Variants in RAB2A observed in about 807,000 individuals in gnomAD.
RAB2A encodes the protein ras-related protein Rab-2A.
RAB2A carries 7 observed loss-of-function variants against 32.5 expected under a neutral mutation model. The ratio of observed to expected loss-of-function variants is 0.22; its 90% CI spans 0.12 to 0.40. RAB2A has a LOEUF of 0.40. RAB2A is among the 10% of genes least tolerant of loss of function. The pLI is 1.00. For synonymous variants in RAB2A, 79 were observed against 85.2 expected (o/e 0.93, Z 0.40); for missense variants, 108 against 260.7 (o/e 0.41, Z 4.03).
At chr8:60,615,706 C>A (rs1270312179) in intron 6 of RAB2A, among the ~76,000 whole-genome samples, 1 of 152,064 alleles carries the variant, frequency 6.6e-6, no homozygotes, top group African/African-American at 2.4e-5. Context: ...GGTTAATGTT[C>A]ATTATATTTA....
intron 1 of RAB2A, among the ~76,000 whole-genome samples, chr8:60,547,589 C>A (rs1807756180): frequency 7.9e-6 from 1 of 126,922 alleles, no homozygotes; most frequent in Non-Finnish European, 1.7e-5. Flanking sequence ...CCTCACTTCC[C>A]AGTAGGGGCG....
intron 3 of RAB2A, among the ~76,000 whole-genome samples, chr8:60,581,875 A>G (rs1300732597): frequency 6.6e-6 from 1 of 151,996 alleles, no homozygotes; most frequent in Non-Finnish European, 1.5e-5. Context: ...ATTTTAAAAA[A>G]CAATCAATTT....
intron 5 of RAB2A, among the ~76,000 whole-genome samples, chr8:60,590,150 G>A (rs1044709850): frequency 3.3e-5 from 5 of 151,858 alleles, no homozygotes; most frequent in East Asian, 3.9e-4. Context: ...TTGTAGAGAC[G>A]GGGTTTCACC....
intron 1 of RAB2A, among the ~76,000 whole-genome samples, chr8:60,548,963 C>T (rs1268991710): frequency 2.0e-5 from 3 of 148,470 alleles, no homozygotes; most frequent in Admixed American, 6.7e-5. Context: ...ACTTCTCAGA[C>T]GGGGCGGCAG....
At chr8:60,539,799 C>T (rs1240626288) in intron 1 of RAB2A, among the ~76,000 whole-genome samples, 1 of 151,942 alleles carries the variant, frequency 6.6e-6, no homozygotes, top group Admixed American at 6.6e-5. Context: ...CTGGTTCTGA[C>T]AAGTAGAAAT....
At chr8:60,558,221 G>T (rs555293181) in intron 1 of RAB2A, among the ~76,000 whole-genome samples, 6 of 152,158 alleles carry the variant, frequency 3.9e-5, no homozygotes, top group African/African-American at 9.7e-5. Context: ...GAGTAAGAAG[G>T]GGGTATGGTA....
chr8:60,553,948 TA>T (rs1044346047), intron 1 of RAB2A, among the ~76,000 whole-genome samples: 7 of 152,292 alleles, frequency 4.6e-5, no homozygotes, highest in African/African-American at 9.6e-5. Context: ...AGTTCCTTTA[TA>T]AAAGGTACCA....
intron 1 of RAB2A, chr8:60,551,851 C>T (rs1331990161): frequency 7.0e-6 from 1 of 142,892 alleles, no homozygotes; most frequent in Non-Finnish European, 1.5e-5. Context: ...TGCTACCATG[C>T]CTTGATTTTT....
chr8:60,603,490 TC>T (rs1804173137), intron 6 of RAB2A, among the ~76,000 whole-genome samples: 1 of 152,236 alleles, frequency 6.6e-6, no homozygotes, highest in Non-Finnish European at 1.5e-5. Context: ...CTTTATGATT[TC>T]ATCCAAGAAG....
intron 6 of RAB2A, among the ~76,000 whole-genome samples, chr8:60,616,210 C>T (rs370825086): frequency 5.9e-5 from 9 of 152,208 alleles, no homozygotes; most frequent in East Asian, 5.8e-4. Flanking sequence ...TAGTGACTTA[C>T]TTAATTTTAT....
intron 6 of RAB2A, among the ~76,000 whole-genome samples, chr8:60,597,446 G>T (rs1192688109): frequency 2.0e-5 from 3 of 152,102 alleles, no homozygotes; most frequent in Non-Finnish European, 4.4e-5. Context: ...CCTGTTGGGG[G>T]GTGGGGGCCT....
chr8:60,556,441 A>G (rs906036987), intron 1 of RAB2A, among the ~76,000 whole-genome samples: 4 of 151,730 alleles, frequency 2.6e-5, no homozygotes, highest in Admixed American at 2.0e-4. Context: ...TACACATTGT[A>G]TACATGTATA....
chr8:60,598,936 G>GAAA (rs1491559470), intron 6 of RAB2A, among the ~76,000 whole-genome samples: 1 of 3,496 alleles, frequency 2.9e-4, no homozygotes, highest in South Asian at 6.3e-3. Context: ...GTGCAGTAAA[G>GAAA]CAAAAAAAAA....
At chr8:60,577,524 TTCTTACTGA>T (rs1455542699) in intron 3 of RAB2A, among the ~76,000 whole-genome samples, 2 of 152,232 alleles carry the variant, frequency 1.3e-5, no homozygotes, top group African/African-American at 4.8e-5. Flanking sequence ...ATCACTTTGA[TTCTTACTGA>T]TCTTACTGTC....
chr8:60,564,955 A>G (rs1808081426), intron 2 of RAB2A, among the ~76,000 whole-genome samples: 1 of 152,238 alleles, frequency 6.6e-6, no homozygotes, highest in Non-Finnish European at 1.5e-5. Flanking sequence ...GCATTCCTAT[A>G]TGTTATACTA....
At chr8:60,574,867 G>A (rs981838314) in intron 3 of RAB2A, among the ~76,000 whole-genome samples, 10 of 152,056 alleles carry the variant, frequency 6.6e-5, no homozygotes, top group African/African-American at 1.4e-4. Flanking sequence ...TAGAGGGCTC[G>A]TTTTCTTTCC....
In RAB2A at chr8:60,584,328, C is replaced by T. The variant is rs373497510; in HGVS notation, c.269+38C>T. ...AAACTTTGCAATTCAGTAGTTGATACAGAGAATTTTTCTAAATAGATGTGG... is the reference window on the plus strand; with the variant it reads ...AAACTTTGCAATTCAGTAGTTGATATAGAGAATTTTTCTAAATAGATGTGG... On this transcript the variant is annotated intron_variant, in intron 4 of 7. Transcript: ENST00000262646. 4.4e-5 allele frequency: 65 copies of T among 1,493,540 alleles called. No individual in the cohort carries two copies. The East Asian group carries it at 5.2e-4, about 12-fold the overall frequency. The allele number at this position is 1,493,540 out of a possible 1,614,324, so 92.5% of individuals were successfully genotyped here. A position where few individuals can be genotyped will look rare whatever the true frequency, so the allele number is the denominator to read the frequency against.
At chr8:60,569,974 C>T (rs1180708456) in intron 2 of RAB2A, 1 of 456,134 alleles carries the variant, frequency 2.2e-6, no homozygotes, top group Admixed American at 2.3e-5. Context: ...ATCTTGGAGC[C>T]CAGGAAGCAG....
chr8:60,619,453 A>G (rs900629100), intron 7 of RAB2A, among the ~76,000 whole-genome samples: 11 of 152,312 alleles, frequency 7.2e-5, no homozygotes, highest in East Asian at 1.9e-4. Flanking sequence ...TTAGGAAGCC[A>G]TTATGTATGT....
Sources: allele counts gnomAD v4.1 joint callset (sites outside exome capture counted in the v4.1 genomes callset), GRCh38; gene constraint gnomAD v4.1.1; transcripts MANE v1.5; gene names NCBI Gene and HGNC (gene_info 2026-07-23, HGNC 2026-07-21).